Variants in TBXAS1 observed in about 807,000 individuals in gnomAD.
TBXAS1 encodes the protein thromboxane-A synthase.
In TBXAS1, 48 loss-of-function variants were observed where a neutral mutation model predicts 60.7. The ratio of observed to expected loss-of-function variants is 0.79; its 90% CI spans 0.63 to 1.01. The LOEUF is 1.01. TBXAS1 is among the 50% of genes least tolerant of loss of function. The pLI, the probability that TBXAS1 is intolerant of heterozygous loss-of-function variation, is 0.00. For synonymous variants in TBXAS1, 287 were observed against 269.7 expected (o/e 1.06, Z -0.63); for missense variants, 685 against 686.3 (o/e 1.00, Z 0.02).
At chr7:139,871,080 T>G (rs1191661830) in intron 1 of TBXAS1, among the ~76,000 whole-genome samples, 1 of 152,052 alleles carries the variant, frequency 6.6e-6, no homozygotes, top group Non-Finnish European at 1.5e-5. Context: ...AATAAAGAAA[T>G]AAATAGCACA....
At chr7:139,948,512 A>G (rs571679548) in intron 5 of TBXAS1, among the ~76,000 whole-genome samples, 2 of 152,290 alleles carry the variant, frequency 1.3e-5, no homozygotes, top group South Asian at 4.1e-4. Flanking sequence ...CTCCCAATAA[A>G]TCACTTTTTT....
At chr7:139,806,891 A>G (rs998230262) in intron 4 of TBXAS1, among the ~76,000 whole-genome samples, 2 of 152,342 alleles carry the variant, frequency 1.3e-5, no homozygotes, top group African/African-American at 4.8e-5. Flanking sequence ...CCCTGGCCTC[A>G]GCCCAGATGT....
At chr7:139,998,578 G>A (rs1170710815) in intron 9 of TBXAS1, among the ~76,000 whole-genome samples, 1 of 152,112 alleles carries the variant, frequency 6.6e-6, no homozygotes, top group Non-Finnish European at 1.5e-5. Context: ...GACAATAAAA[G>A]CTGCTCTACC....
At chr7:139,874,065 C>G (rs1802029702) in intron 2 of TBXAS1, among the ~76,000 whole-genome samples, 1 of 152,090 alleles carries the variant, frequency 6.6e-6, no homozygotes, top group Non-Finnish European at 1.5e-5. Context: ...TGTCCATCAC[C>G]TTTTCCATGA....
chr7:139,863,747 G>A (rs1569503457), intron 1 of TBXAS1, among the ~76,000 whole-genome samples: 1 of 152,130 alleles, frequency 6.6e-6, no homozygotes, highest in Non-Finnish European at 1.5e-5. Flanking sequence ...AAAGAAAATA[G>A]AAGGAAGTCC....
intron 4 of TBXAS1, among the ~76,000 whole-genome samples, chr7:139,802,165 C>T (rs532546795): frequency 7.9e-5 from 12 of 152,294 alleles, no homozygotes; most frequent in Admixed American, 3.9e-4. Flanking sequence ...TCTGTCCCTC[C>T]ATCAAATGTA....
chr7:139,929,550 A>G (rs2117150343), intron 4 of TBXAS1, among the ~76,000 whole-genome samples: 1 of 152,356 alleles, frequency 6.6e-6, no homozygotes, highest in African/African-American at 2.4e-5. Flanking sequence ...AGTTAAGTTT[A>G]AAAGTAGAAG....
At chr7:140,012,878 T>C (rs543482715) in intron 10 of TBXAS1, among the ~76,000 whole-genome samples, 42 of 152,308 alleles carry the variant, frequency 2.8e-4, no homozygotes, top group Admixed American at 2.2e-3. Context: ...GAATGTTGCA[T>C]GTAGGTCTGA....
chr7:139,943,770 C>T (rs569322023), intron 5 of TBXAS1, among the ~76,000 whole-genome samples: 7 of 152,094 alleles, frequency 4.6e-5, no homozygotes, highest in Admixed American at 1.3e-4. Context: ...TGGCTTTTAG[C>T]GATGGTGTAG....
In TBXAS1 at chr7:140,008,078, A is replaced by G. The variant is rs139467684; in HGVS notation, c.1226+896A>G. Among the ~76,000 whole-genome samples, 537 of 152,342 alleles carry G rather than the reference A, an allele frequency of 3.5e-3. 3 individuals carry two copies. Among genetic ancestry groups the G allele is most frequent in the African/African-American group, 0.012 (501 of 41,578 alleles). ...TAACCGTATGTGATAAATTCCACTCAACACTTTTATGAATTAACAGATCAC... is the reference window on the plus strand; with the variant it reads ...TAACCGTATGTGATAAATTCCACTCGACACTTTTATGAATTAACAGATCAC... On this transcript the variant is annotated intron_variant, in intron 10 of 12. Transcript: ENST00000448866.
intron 4 of TBXAS1, among the ~76,000 whole-genome samples, chr7:139,811,393 A>G (rs1289325386): frequency 6.6e-6 from 1 of 152,216 alleles, no homozygotes; most frequent in Admixed American, 6.5e-5. Flanking sequence ...ATTAGTCTGA[A>G]AGCCAAATTA....
chr7:139,961,873 A>G (rs759585762), intron 8 of TBXAS1, 46 bp from the exon 9 acceptor site: 3 of 1,612,148 alleles, frequency 1.9e-6, no homozygotes, highest in South Asian at 1.1e-5. Flanking sequence ...CTCACTCTTC[A>G]TGACTGTAAG....
chr7:139,840,806 T>C (rs1441839148), intron 1 of TBXAS1, among the ~76,000 whole-genome samples: 2 of 152,148 alleles, frequency 1.3e-5, no homozygotes, highest in Non-Finnish European at 2.9e-5. Flanking sequence ...AAATGAGTAC[T>C]ACTCACAGCT....
At chr7:139,941,805 G>A (rs942092334) in intron 5 of TBXAS1, among the ~76,000 whole-genome samples, 11 of 152,172 alleles carry the variant, frequency 7.2e-5, no homozygotes, top group Non-Finnish European at 1.2e-4. Context: ...ACTTTATTAA[G>A]GATGAGGGAA....
intron 1 of TBXAS1, 70 bp from the exon 2 acceptor site, chr7:139,872,165 G>A (rs1801865200): frequency 6.9e-7 from 1 of 1,451,000 alleles, no homozygotes. Flanking sequence ...AGTAATTCTA[G>A]TTCCTAATAG....
rs11358840 is a variant in TBXAS1 at position 139,808,979 on chromosome 7, T to TA, written c.-79-20315dup. On this transcript the variant is annotated intron_variant, in intron 4 of 16. Coordinates refer to the TBXAS1 transcript ENST00000336425. The stretch of plus-strand genomic sequence containing the variant: ...GATGAAACAGAGTGCCAGGTCTTCA[T>TA]AAAAAAAAAAAAAAAAAAGCTTGTT... Among the ~76,000 whole-genome samples, 711 of 125,814 alleles carry TA rather than the reference T, an allele frequency of 5.7e-3. 2 individuals are homozygous for TA. The highest frequency in any genetic ancestry group is 9.0e-3 in the Admixed American group (113 of 12,566). 82.5% of individuals were successfully genotyped at this position (125,814 alleles called of 152,430 possible). A position where few individuals can be genotyped will look rare whatever the true frequency, so the allele number is the denominator to read the frequency against.
chr7:139,898,430 T>G (rs1804285885), intron 3 of TBXAS1, among the ~76,000 whole-genome samples: 1 of 141,484 alleles, frequency 7.1e-6, no homozygotes, highest in South Asian at 2.3e-4. Flanking sequence ...TTTTTTTTTT[T>G]TTTTTTTTTT....
chr7:139,886,893 A>G (rs761795283), intron 3 of TBXAS1, among the ~76,000 whole-genome samples: 13 of 152,102 alleles, frequency 8.5e-5, no homozygotes, highest in Non-Finnish European at 1.2e-4. Context: ...TCTCTGCTAG[A>G]GTTTTGGTTC....
At chr7:139,826,761 C>T (rs1016592363), upstream of TBXAS1, among the ~76,000 whole-genome samples, 7 of 152,168 alleles carry the variant, frequency 4.6e-5, no homozygotes, top group African/African-American at 1.7e-4. Flanking sequence ...GTAGTAAGCA[C>T]TCAAATGACA....
Sources: allele counts gnomAD v4.1 joint callset (sites outside exome capture counted in the v4.1 genomes callset), GRCh38; gene constraint gnomAD v4.1.1; transcripts MANE v1.5; gene names NCBI Gene and HGNC (gene_info 2026-07-23, HGNC 2026-07-21).